FGF12: variants seen among roughly 807,000 people sequenced by gnomAD.
FGF12 encodes fibroblast growth factor 12B.
Under a neutral mutation model 23.6 loss-of-function variants are expected in FGF12, and 14 were observed. The ratio of observed to expected loss-of-function variants is 0.59; its 90% CI spans 0.39 to 0.93. The LOEUF is 0.93. Among genes scored for constraint, FGF12 ranks in the 40% least tolerant of loss-of-function variants. The pLI is 0.00. For missense variants in FGF12, 175 were observed against 217.8 expected, an observed-to-expected ratio of 0.80 and a Z score of 1.24; for synonymous variants, 62 against 77.3, an observed-to-expected ratio of 0.80 and a Z score of 1.04.
intron 4 of FGF12, among the ~76,000 whole-genome samples, chr3:192,177,064 G>A (rs927691043): frequency 6.6e-6 from 1 of 152,176 alleles, no homozygotes; most frequent in Admixed American, 6.5e-5. Flanking sequence ...TAGAAAAACA[G>A]AATTGTCCAG....
chr3:192,507,941 C>A (rs777231975), intron 2 of FGF12, among the ~76,000 whole-genome samples: 1 of 152,308 alleles, frequency 6.6e-6, no homozygotes, highest in Middle Eastern at 3.4e-3. Flanking sequence ...AGATGCTGAA[C>A]CAACATGGCG....
chr3:192,367,821 G>C (rs894000863), intron 2 of FGF12, among the ~76,000 whole-genome samples: 1 of 152,128 alleles, frequency 6.6e-6, no homozygotes, highest in Non-Finnish European at 1.5e-5. Context: ...AGTGAGTCAT[G>C]TCCTGTCCCT....
intron 4 of FGF12, among the ~76,000 whole-genome samples, chr3:192,321,273 A>G (rs76660165): frequency 0.015 from 2,293 of 152,166 alleles, 56 homozygotes; most frequent in African/African-American, 0.052. Context: ...CAAAACCCGA[A>G]CAGACCAGTA....
At chr3:192,499,244 T>C (rs1009539736) in intron 2 of FGF12, among the ~76,000 whole-genome samples, 4 of 151,948 alleles carry the variant, frequency 2.6e-5, no homozygotes, top group African/African-American at 9.7e-5. Context: ...GATGAGAATT[T>C]TGAGAGTCAA....
intron 4 of FGF12, among the ~76,000 whole-genome samples, chr3:192,229,183 A>G (rs1053352549): frequency 6.6e-6 from 1 of 151,840 alleles, no homozygotes; most frequent in African/African-American, 2.4e-5. Context: ...AAAAAACCTG[A>G]GTTCTTGGAG....
intron 2 of FGF12, among the ~76,000 whole-genome samples, chr3:192,537,161 C>G (rs1051125802): frequency 6.6e-6 from 1 of 152,076 alleles, no homozygotes; most frequent in Non-Finnish European, 1.5e-5. Context: ...GAATAGTACA[C>G]CATTGTGTAT....
At chr3:192,707,351 T>C (rs914534905) in intron 2 of FGF12, among the ~76,000 whole-genome samples, 1 of 151,960 alleles carries the variant, frequency 6.6e-6, no homozygotes, top group Admixed American at 6.6e-5. Context: ...TGACCGAGAA[T>C]GGCACATCCA....
chr3:192,444,094 C>A (rs1234407342), intron 2 of FGF12, among the ~76,000 whole-genome samples: 1 of 152,114 alleles, frequency 6.6e-6, no homozygotes, highest in East Asian at 1.9e-4. Flanking sequence ...TGGACTTTAA[C>A]GAGTTGATTG....
chr3:192,601,324 A>C (rs1714106410), intron 2 of FGF12, among the ~76,000 whole-genome samples: 1 of 152,126 alleles, frequency 6.6e-6, no homozygotes, highest in Non-Finnish European at 1.5e-5. Context: ...GAGATCTGTT[A>C]AAACATAAAA....
rs1042099262 is a variant in FGF12 at position 192,320,829 on chromosome 3, G to C, written c.228+14532C>G. Among the ~76,000 whole-genome samples, 7 of 152,098 alleles carry C rather than the reference G, an allele frequency of 4.6e-5. No individual in the cohort carries two copies. The East Asian group carries it at 1.2e-3, about 25-fold the overall frequency. On this transcript the variant is annotated intron_variant, in intron 4 of 5. Transcript: ENST00000445105. ...CAGTGAAAGCAATATTAAGAGGAAA[G>C]CTGATAGGTATAAGTGCCTACATAA...
At chr3:192,232,809 T>G (rs1214800394) in intron 4 of FGF12, among the ~76,000 whole-genome samples, 1 of 152,176 alleles carries the variant, frequency 6.6e-6, no homozygotes, top group Non-Finnish European at 1.5e-5. Context: ...GATATTTGGT[T>G]TTCTGTTCCT....
At chr3:192,469,237 A>G (rs1268370166) in intron 2 of FGF12, among the ~76,000 whole-genome samples, 1 of 152,216 alleles carries the variant, frequency 6.6e-6, no homozygotes, top group Non-Finnish European at 1.5e-5. Flanking sequence ...TTTAGAAATG[A>G]AACTTAGATC....
At chr3:192,471,062 T>A (rs370384250) in intron 2 of FGF12, among the ~76,000 whole-genome samples, 1 of 152,218 alleles carries the variant, frequency 6.6e-6, no homozygotes, top group African/African-American at 2.4e-5. Flanking sequence ...CTTTACATGA[T>A]GACTTTCACT....
chr3:192,656,065 C>A (rs367923523), intron 2 of FGF12, among the ~76,000 whole-genome samples: 319 of 139,014 alleles, frequency 2.3e-3, no homozygotes, highest in Non-Finnish European at 3.9e-3. Context: ...AAAAAAAATT[C>A]TTTTCCTTGC....
intron 2 of FGF12, among the ~76,000 whole-genome samples, chr3:192,627,794 G>T (rs1175238109): frequency 6.6e-6 from 1 of 151,778 alleles, no homozygotes; most frequent in African/African-American, 2.4e-5. Context: ...TTACTACCAA[G>T]ATATTAACAT....
intron 4 of FGF12, among the ~76,000 whole-genome samples, chr3:192,227,744 C>T (rs568952718): frequency 9.2e-5 from 14 of 152,036 alleles, no homozygotes; most frequent in South Asian, 6.2e-4. Context: ...CATTGACAAA[C>T]GCAGGTCAAT....
At chr3:192,382,290 G>A (rs569982125) in intron 2 of FGF12, among the ~76,000 whole-genome samples, 4 of 152,112 alleles carry the variant, frequency 2.6e-5, no homozygotes, top group Non-Finnish European at 4.4e-5. Context: ...CACCGCGCCC[G>A]GCCTAGCATA....
At chr3:192,358,617 G>T (rs191972232) in intron 3 of FGF12, among the ~76,000 whole-genome samples, 1 of 152,054 alleles carries the variant, frequency 6.6e-6, no homozygotes, top group Non-Finnish European at 1.5e-5. Context: ...CAGAGCAAGC[G>T]TTGTCAATTA....
At chr3:192,210,414 C>T (rs1188550106) in intron 4 of FGF12, among the ~76,000 whole-genome samples, 1 of 152,198 alleles carries the variant, frequency 6.6e-6, no homozygotes, top group Non-Finnish European at 1.5e-5. Context: ...TCTTGGAGCT[C>T]ACACAGAGCC....
Sources: gnomAD v4.1 joint callset for allele counts (sites outside exome capture counted in the v4.1 genomes callset) on GRCh38, gnomAD v4.1.1 for gene constraint, MANE v1.5 for transcripts, NCBI Gene and HGNC (gene_info 2026-07-23, HGNC 2026-07-21) for gene names.